FAM47E: variants seen among roughly 807,000 people sequenced by gnomAD.
FAM47E encodes protein FAM47E.
A neutral mutation model predicts 41.6 loss-of-function variants in FAM47E; 32 were observed. The ratio of observed to expected loss-of-function variants is 0.77; its 90% CI spans 0.58 to 1.03. The LOEUF is 1.03. Among genes scored for constraint, FAM47E ranks in the 50% least tolerant of loss-of-function variants. The pLI is 0.00. For synonymous variants in FAM47E, 184 were observed against 188.7 expected, an observed-to-expected ratio of 0.98 and a Z score of 0.20; for missense variants, 424 against 485.4, an observed-to-expected ratio of 0.87 and a Z score of 1.19.
At chr4:76,222,919 A>AG (rs900215869) in intron 2 of FAM47E, among the ~76,000 whole-genome samples, 5 of 152,114 alleles carry the variant, frequency 3.3e-5, no homozygotes, top group African/African-American at 7.2e-5. Flanking sequence ...GAAGAAAGGC[A>AG]GGGGGGGAAG....
Position 76,271,659 on chromosome 4 carries a change from A to C in FAM47E, c.761A>C (p.Lys254Thr). Reference sequence around the variant, plus strand: ...AGCCATGATGCGCTCCACACGATGAAGCTAAATCAGGTTCCTCTGGAGCTA... The same window carrying C: ...AGCCATGATGCGCTCCACACGATGACGCTAAATCAGGTTCCTCTGGAGCTA... ...KPSHDALHTM[K>T]LNQVPLELKR... Residue 254 changes from lysine to threonine, a missense_variant, in exon 5 of 8, where the codon AAG becomes ACG. Physicochemically the swap from Lys to Thr is moderately conservative, Grantham distance 78. Coordinates refer to ENST00000424749, the MANE Select transcript of FAM47E (RefSeq NM_001136570.3). The C allele has an allele frequency of 6.4e-7, 1 of 1,552,150 alleles. No homozygotes were observed. Among genetic ancestry groups the C allele is most frequent in the South Asian group, 1.2e-5 (1 of 84,052 alleles).
chr4:76,221,203 A>G (rs1321846339), intron 2 of FAM47E, among the ~76,000 whole-genome samples: 3 of 152,236 alleles, frequency 2.0e-5, no homozygotes, highest in African/African-American at 7.2e-5. Context: ...CGAATCATAC[A>G]GCCCAGCAGC....
intron 2 of FAM47E, among the ~76,000 whole-genome samples, chr4:76,220,455 T>G (rs1158704594): frequency 6.6e-6 from 1 of 152,152 alleles, no homozygotes; most frequent in Non-Finnish European, 1.5e-5. Context: ...AGCAAGACCC[T>G]ATCTCTATAG....
At chr4:76,279,530 A>G (rs531597131) in intron 6 of FAM47E, 1 of 152,348 alleles carries the variant, frequency 6.6e-6, no homozygotes, top group Admixed American at 6.5e-5. Flanking sequence ...AAGATTGTTT[A>G]TCAGGCAGTT....
chr4:76,271,615 T>A lies in FAM47E; in HGVS notation c.717T>A (p.Ile239=). 6.4e-7 allele frequency: 1 copy of A among 1,552,188 alleles called. No homozygotes were observed. The highest frequency in any genetic ancestry group is 1.2e-5 in the South Asian group (1 of 84,054). The stretch of plus-strand genomic sequence containing the variant: ...AGTTCATCTTGAAACAGTTTGACAT[T>A]GACTATGAGACCAAACCAAGCCATG... ...DEEFILKQFD[I]DYETKPSHDA... is the part of the protein sequence containing the mutation. The change falls in exon 5 of 8, where the codon ATT becomes ATA. Residue 239 remains isoleucine (I), a synonymous_variant. Transcript: ENST00000424749.
At chr4:76,277,603 A>G (rs6532316) in intron 5 of FAM47E, among the ~76,000 whole-genome samples, 127,962 of 152,162 alleles carry the variant, frequency 0.84, 54,000 homozygotes, top group Middle Eastern at 0.9. Context: ...GGCTCACACT[A>G]TTTAATAACT....
intron 6 of FAM47E, chr4:76,278,835 C>T (rs1403518525): frequency 2.6e-5 from 4 of 152,242 alleles, no homozygotes; most frequent in African/African-American, 9.7e-5. Flanking sequence ...AAAGAAGATA[C>T]TCATTATGGC....
At chr4:76,215,258 C>T (rs1170824523) in intron 1 of FAM47E, among the ~76,000 whole-genome samples, 1 of 152,240 alleles carries the variant, frequency 6.6e-6, no homozygotes, top group East Asian at 1.9e-4. Flanking sequence ...GTATTATCCT[C>T]ATTTTACACT....
intron 2 of FAM47E, 42 bp from the exon 3 acceptor site, chr4:76,263,662 A>G (rs1734510859): frequency 2.6e-6 from 4 of 1,538,960 alleles, no homozygotes; most frequent in Admixed American, 2.1e-5. Flanking sequence ...TCCCTTCTTC[A>G]GCATGTTTTT....
At chr4:76,217,884 A>G (rs1435299377) in intron 2 of FAM47E, among the ~76,000 whole-genome samples, 1 of 152,264 alleles carries the variant, frequency 6.6e-6, no homozygotes, top group Non-Finnish European at 1.5e-5. Context: ...CTTTCTTCAC[A>G]GACTCTAAGG....
intron 3 of FAM47E, chr4:76,267,931 C>T (rs923114545): frequency 4.6e-5 from 7 of 152,110 alleles, no homozygotes; most frequent in East Asian, 1.9e-4. Flanking sequence ...GGGTTTCTTT[C>T]GGGGTAATAA....
upstream of FAM47E, among the ~76,000 whole-genome samples, chr4:76,250,826 C>T (rs374957237): frequency 1.3e-5 from 2 of 152,146 alleles, no homozygotes; most frequent in South Asian, 2.1e-4. Flanking sequence ...TTACCACCCC[C>T]GGTTCACAGC....
chr4:76,233,081 T>C (rs1055537173), intron 2 of FAM47E, among the ~76,000 whole-genome samples: 1 of 151,558 alleles, frequency 6.6e-6, no homozygotes, highest in African/African-American at 2.4e-5. Context: ...TTATAACCTT[T>C]TACTAAAAAA....
At chr4:76,239,845 T>C (rs1480059819) in intron 2 of FAM47E, among the ~76,000 whole-genome samples, 2 of 152,196 alleles carry the variant, frequency 1.3e-5, no homozygotes, top group Admixed American at 6.5e-5. Flanking sequence ...CTTTCTCCTA[T>C]GAGTTTTATA....
chr4:76,248,454 CA>C (rs1733879336), upstream of FAM47E, among the ~76,000 whole-genome samples: 1 of 151,960 alleles, frequency 6.6e-6, no homozygotes, highest in Non-Finnish European at 1.5e-5. Flanking sequence ...TATAAGGGCC[CA>C]ACTTCATTAT....
chr4:76,230,306 T>C (rs1733471025), intron 2 of FAM47E, among the ~76,000 whole-genome samples: 3 of 152,098 alleles, frequency 2.0e-5, no homozygotes, highest in African/African-American at 7.2e-5. Flanking sequence ...GGAAAGCCAG[T>C]AACAATAGGC....
At chr4:76,252,064 A>G (rs887600801) in intron 1 of FAM47E, among the ~76,000 whole-genome samples, 3 of 152,160 alleles carry the variant, frequency 2.0e-5, no homozygotes, top group African/African-American at 7.2e-5. Flanking sequence ...GATGTAGACT[A>G]ATATCCCCAT....
chr4:76,224,077 C>G (rs1330331494), intron 2 of FAM47E, among the ~76,000 whole-genome samples: 4 of 152,140 alleles, frequency 2.6e-5, no homozygotes, highest in Non-Finnish European at 5.9e-5. Context: ...AGGTATTAAA[C>G]CAGAATGTGA....
upstream of FAM47E, among the ~76,000 whole-genome samples, chr4:76,250,702 C>T (rs867168005): frequency 7.2e-5 from 11 of 152,098 alleles, no homozygotes; most frequent in Admixed American, 2.6e-4. Context: ...GCATTACAAT[C>T]GGACTAATAT....
Sources: gnomAD v4.1 joint callset for allele counts (sites outside exome capture counted in the v4.1 genomes callset) on GRCh38, gnomAD v4.1.1 for gene constraint, MANE v1.5 for transcripts, NCBI Gene and HGNC (gene_info 2026-07-23, HGNC 2026-07-21) for gene names.